The following WDHD1 variants were observed in gnomAD, a reference collection of about 807,000 sequenced individuals.
WDHD1 encodes the protein WD repeat and HMG-box DNA binding protein 1.
Under a neutral mutation model 135.4 loss-of-function variants are expected in WDHD1, and 111 were observed. The observed-to-expected ratio is 0.82, with a 90% confidence interval of 0.70 to 0.96. WDHD1 has a LOEUF of 0.96. WDHD1 is among the 40% of genes least tolerant of loss of function. The probability of loss-of-function intolerance (pLI) is 0.00; values close to 1 mark genes in which losing one functional copy is unlikely to be tolerated. For synonymous variants in WDHD1, 434 were observed against 439.0 expected (o/e 0.99, Z 0.14); for missense variants, 1,351 against 1,336.3 (o/e 1.01, Z -0.17).
chr14:54,961,877 C>T (rs2041257628), intron 21 of WDHD1, among the ~76,000 whole-genome samples: 1 of 151,258 alleles, frequency 6.6e-6, no homozygotes, highest in Admixed American at 6.6e-5. Context: ...CACTCCATTG[C>T]CCAGGCTGGA....
At chr14:55,016,399 T>C (rs1368967513) in intron 2 of WDHD1, among the ~76,000 whole-genome samples, 1 of 152,210 alleles carries the variant, frequency 6.6e-6, no homozygotes, top group African/African-American at 2.4e-5. Context: ...AATAAAATGT[T>C]TGTTGACATT....
chr14:54,982,558 C>T (rs2041635561), intron 15 of WDHD1, among the ~76,000 whole-genome samples: 1 of 152,154 alleles, frequency 6.6e-6, no homozygotes, highest in Non-Finnish European at 1.5e-5. Flanking sequence ...CTGCTTCCAA[C>T]TCAGGAAATC....
At chr14:55,010,571 A>C in intron 3 of WDHD1, 111 bp from the exon 4 acceptor site, 1 of 930,032 alleles carries the variant, frequency 1.1e-6, no homozygotes. Flanking sequence ...AATCTAGTTC[A>C]TATCAAGAGA....
In WDHD1 at chr14:54,961,810, C is replaced by T. The variant is rs1451595129; in HGVS notation, c.2701+688G>A. ...TTCAACCTTCTCTTATCCCCCAGGC[C>T]CACTCCCTGTACGCAACCATTTTCA... On this transcript the variant is annotated intron_variant, in intron 21 of 25. Coordinates refer to ENST00000360586, the MANE Select transcript of WDHD1 (RefSeq NM_007086.4). 2.0e-5 allele frequency among the ~76,000 whole-genome samples: 3 copies of T among 152,112 alleles called. No individual in the cohort carries two copies. The East Asian group carries it at 5.8e-4, about 29-fold the overall frequency.
chr14:54,950,527 T>C (rs1482521064), intron 24 of WDHD1, among the ~76,000 whole-genome samples: 2 of 152,094 alleles, frequency 1.3e-5, no homozygotes, highest in African/African-American at 2.4e-5. Flanking sequence ...CAAAGAGACT[T>C]AGACTCCCAC....
rs1459935425 is a variant in WDHD1 at position 54,972,588 on chromosome 14, AAAT to A, written c.2064-5197_2064-5195del. ...AAAAAAAAAAAAAAAAAAAAAAAAA[AAAT>A]GCCAATGAGGCATATTCACTTTCAT... On this transcript the variant is annotated intron_variant, in intron 16 of 25. Coordinates refer to ENST00000360586, the MANE Select transcript of WDHD1 (RefSeq NM_007086.4). Among the ~76,000 whole-genome samples, 66 of 78,890 alleles carry A rather than the reference AAAT, an allele frequency of 8.4e-4. 15 individuals carry two copies. The highest frequency in any genetic ancestry group is 6.4e-3 in the African/African-American group (64 of 10,018). 51.8% of individuals were successfully genotyped at this position (78,890 alleles called of 152,430 possible). A position where few individuals can be genotyped will look rare whatever the true frequency, so the allele number is the denominator to read the frequency against.
intron 15 of WDHD1, among the ~76,000 whole-genome samples, chr14:54,983,887 A>C (rs1459457964): frequency 6.6e-6 from 1 of 152,216 alleles, no homozygotes; most frequent in African/African-American, 2.4e-5. Context: ...ATTTCATCGA[A>C]GATATCTCAA....
chr14:54,972,845 G>C (rs147421085), intron 16 of WDHD1, among the ~76,000 whole-genome samples: 1 of 152,168 alleles, frequency 6.6e-6, no homozygotes, highest in South Asian at 2.1e-4. Flanking sequence ...ATTAGATATT[G>C]GTCAGAGTGA....
At chr14:54,962,308 T>G (rs993220026) in intron 21 of WDHD1, among the ~76,000 whole-genome samples, 190 bp downstream of exon 21, 1 of 152,122 alleles carries the variant, frequency 6.6e-6, no homozygotes, top group African/African-American at 2.4e-5. Context: ...TGACACTCAA[T>G]AGGCATTTTA....
At chr14:55,010,665 T>G (rs535620390) in intron 3 of WDHD1, among the ~76,000 whole-genome samples, 1 of 152,380 alleles carries the variant, frequency 6.6e-6, no homozygotes, top group Admixed American at 6.5e-5. Flanking sequence ...AATTCTACCT[T>G]AAGCAGCCTA....
chr14:54,986,639 A>G (rs936125674), intron 14 of WDHD1, among the ~76,000 whole-genome samples: 1 of 152,234 alleles, frequency 6.6e-6, no homozygotes, highest in African/African-American at 2.4e-5. Flanking sequence ...AAAAATATTG[A>G]AAGTATGATG....
intron 3 of WDHD1, among the ~76,000 whole-genome samples, chr14:55,013,106 G>C (rs1247662280): frequency 6.7e-6 from 1 of 149,748 alleles, no homozygotes; most frequent in Non-Finnish European, 1.5e-5. Flanking sequence ...TGCACCTACA[G>C]TCCTAGCTGC....
intron 14 of WDHD1, among the ~76,000 whole-genome samples, 195 bp downstream of exon 14, chr14:54,986,951 C>T (rs2041703630): frequency 6.6e-6 from 1 of 152,122 alleles, no homozygotes; most frequent in Non-Finnish European, 1.5e-5. Context: ...GGAATTCTCT[C>T]TATAATATAG....
Position 54,955,698 on chromosome 14 carries a change from T to G in WDHD1, c.2917-4A>C, listed in dbSNP as rs1341257234. The G allele has an allele frequency of 6.5e-7, 1 of 1,543,686 alleles. No homozygotes were observed. Among genetic ancestry groups the G allele is most frequent in the South Asian group, 1.3e-5 (1 of 79,232 alleles). On this transcript the variant is annotated splice_polypyrimidine_tract_variant and splice_region_variant and intron_variant, in intron 23 of 25. Coordinates refer to ENST00000360586, the MANE Select transcript of WDHD1 (RefSeq NM_007086.4). ...GGAAATAGGATGCTGCAGATGCCTA[T>G]AAAAACAAACATGAATACTGCAATA...
intron 15 of WDHD1, among the ~76,000 whole-genome samples, chr14:54,983,736 C>G (rs1387697019): frequency 6.6e-6 from 1 of 151,770 alleles, no homozygotes; most frequent in East Asian, 1.9e-4. Flanking sequence ...CCACTCTGGT[C>G]TTGAACTCCT....
chr14:54,957,409 C>T (rs544617357), intron 22 of WDHD1, among the ~76,000 whole-genome samples, 183 bp downstream of exon 22: 1 of 152,174 alleles, frequency 6.6e-6, no homozygotes, highest in Non-Finnish European at 1.5e-5. Context: ...TCTTTCAAAA[C>T]CATAGGTACT....
chr14:55,022,983 C>T (rs955119258), intron 2 of WDHD1, among the ~76,000 whole-genome samples: 2 of 151,856 alleles, frequency 1.3e-5, no homozygotes, highest in Non-Finnish European at 2.9e-5. Context: ...TGCCACTGTG[C>T]CTGGCTAATT....
chr14:55,008,801 T>C (rs1198810607), intron 4 of WDHD1, 82 bp from the exon 5 acceptor site: 3 of 1,091,182 alleles, frequency 2.7e-6, no homozygotes, highest in East Asian at 2.6e-5. Flanking sequence ...ATATTTCTTT[T>C]TTTTTTTTTT....
chr14:54,954,297 A>T, intron 24 of WDHD1, among the ~76,000 whole-genome samples: 1 of 152,184 alleles, frequency 6.6e-6, no homozygotes, highest in Non-Finnish European at 1.5e-5. Context: ...AGAAAAAATA[A>T]ATAAATACAA....
Sources: gnomAD v4.1 joint callset for allele counts (sites outside exome capture counted in the v4.1 genomes callset) on GRCh38, gnomAD v4.1.1 for gene constraint, MANE v1.5 for transcripts, NCBI Gene and HGNC (gene_info 2026-07-23, HGNC 2026-07-21) for gene names.